Variants in PTGER3 observed in about 807,000 individuals in gnomAD.
PTGER3 encodes prostaglandin E receptor 3.
A neutral mutation model predicts 34.7 loss-of-function variants in PTGER3; 22 were observed. The ratio of observed to expected loss-of-function variants is 0.63; its 90% CI spans 0.45 to 0.91. The LOEUF is 0.91. PTGER3 is among the 40% of genes least tolerant of loss of function. The probability of loss-of-function intolerance (pLI) is 0.00; values close to 1 mark genes in which losing one functional copy is unlikely to be tolerated. For synonymous variants in PTGER3, 241 were observed against 230.1 expected (o/e 1.05, Z -0.43); for missense variants, 468 against 519.4 (o/e 0.90, Z 0.96).
chr1:70,919,953 A>C (rs567764853), intron 4 of PTGER3, among the ~76,000 whole-genome samples: 1 of 152,276 alleles, frequency 6.6e-6, no homozygotes, highest in East Asian at 1.9e-4. Context: ...CCGCTAGCCT[A>C]AGGTAAGATA....
chr1:71,030,593 T>C (rs1041654871), intron 1 of PTGER3, among the ~76,000 whole-genome samples: 1 of 152,178 alleles, frequency 6.6e-6, no homozygotes. Context: ...CACACAGAAG[T>C]AAATAAAATT....
intron 2 of PTGER3, among the ~76,000 whole-genome samples, chr1:70,983,004 C>A (rs1328631858): frequency 6.6e-6 from 1 of 151,854 alleles, no homozygotes; most frequent in Admixed American, 6.6e-5. Flanking sequence ...AGAGGCTAAA[C>A]AACTAAGTGA....
intron 2 of PTGER3, chr1:71,007,880 T>A (rs1657106594): frequency 3.0e-6 from 3 of 985,252 alleles, no homozygotes; most frequent in Non-Finnish European, 3.6e-6. Context: ...ACTTGAGAAG[T>A]GGAATCATCT....
intron 4 of PTGER3, among the ~76,000 whole-genome samples, chr1:70,882,748 G>A (rs1042982743): frequency 6.6e-6 from 1 of 152,098 alleles, no homozygotes; most frequent in Non-Finnish European, 1.5e-5. Flanking sequence ...CTTCTAGGGG[G>A]CTCTCACTCG....
At chr1:71,012,522 T>G (rs765714419) in intron 1 of PTGER3, 38 bp from the exon 2 acceptor site, 5 of 1,554,582 alleles carry the variant, frequency 3.2e-6, no homozygotes, top group Non-Finnish European at 4.4e-6. Context: ...CAAAGATTAG[T>G]AAGGTCATAT....
intron 4 of PTGER3, among the ~76,000 whole-genome samples, chr1:70,861,073 C>T (rs1025615109): frequency 1.3e-5 from 2 of 152,144 alleles, no homozygotes; most frequent in Non-Finnish European, 2.9e-5. Flanking sequence ...TAAGGCTTCA[C>T]AGAAGTGACA....
intron 4 of PTGER3, among the ~76,000 whole-genome samples, chr1:70,927,041 G>A (rs140335098): frequency 2.6e-3 from 398 of 152,374 alleles, no homozygotes; most frequent in African/African-American, 8.2e-3. Context: ...CCACTTGATC[G>A]TGGTGGATAA....
At chr1:70,949,610 G>GA (rs931918016), downstream of PTGER3, among the ~76,000 whole-genome samples, 2 of 152,176 alleles carry the variant, frequency 1.3e-5, no homozygotes, top group African/African-American at 4.8e-5. Context: ...TAACTACAAA[G>GA]AAAAAAACAT....
chr1:70,908,597 C>T (rs920395816), intron 4 of PTGER3, among the ~76,000 whole-genome samples: 1 of 152,206 alleles, frequency 6.6e-6, no homozygotes, highest in African/African-American at 2.4e-5. Context: ...GTTGGACTTT[C>T]CTCCACCATC....
chr1:70,938,915 G>A (rs948544301), intron 4 of PTGER3, among the ~76,000 whole-genome samples: 1 of 151,976 alleles, frequency 6.6e-6, no homozygotes. Flanking sequence ...ATGTCCTCAC[G>A]TTTCAAAACC....
intron 1 of PTGER3, 39 bp from the exon 2 acceptor site, chr1:71,012,523 A>G (rs752834076): frequency 1.9e-6 from 3 of 1,556,388 alleles, no homozygotes; most frequent in Non-Finnish European, 2.6e-6. Flanking sequence ...AAAGATTAGT[A>G]AGGTCATATG....
At chr1:71,014,557 TA>T (rs779374924) in intron 1 of PTGER3, among the ~76,000 whole-genome samples, 43 of 152,254 alleles carry the variant, frequency 2.8e-4, no homozygotes, top group Non-Finnish European at 5.3e-4. Context: ...TAATTAGGTT[TA>T]GATGAGGTCA....
chr1:70,945,428 G>T (rs1650135115), intron 4 of PTGER3, among the ~76,000 whole-genome samples: 1 of 152,088 alleles, frequency 6.6e-6, no homozygotes. Flanking sequence ...GTATGTCTAT[G>T]CATATGAAGT....
At chr1:70,858,946 A>G (rs188441627) in intron 4 of PTGER3, among the ~76,000 whole-genome samples, 17 of 152,364 alleles carry the variant, frequency 1.1e-4, no homozygotes, top group Admixed American at 2.0e-4. Flanking sequence ...TAATATTTGA[A>G]TAGACTTGCT....
In PTGER3 at chr1:70,990,985, A is replaced by G. The variant is rs539343132; in HGVS notation, c.1078-16597T>C. On this transcript the variant is annotated intron_variant, in intron 2 of 3. Coordinates refer to ENST00000306666, the MANE Select transcript of PTGER3 (RefSeq NM_198719.2). ...AGGTTATTTGAATTTATTGTTGAGA[A>G]CTGCCTTCTGAACGTCATTCACTTC... 4.3e-4 allele frequency among the ~76,000 whole-genome samples: 66 copies of G among 152,324 alleles called. 1 individual carries two copies. Among genetic ancestry groups the G allele is most frequent in the African/African-American group, 1.5e-3 (64 of 41,562 alleles).
rs530091512 is a variant in PTGER3, at chr1:70,985,447, A to T, written c.1078-11059T>A. ...CATGATCAACTCAGTGTACCACTGG[A>T]GGCTATATGAGTAAACAGCAAACTG... On this transcript the variant is annotated intron_variant, in intron 2 of 3. Coordinates refer to ENST00000306666, the MANE Select transcript of PTGER3 (RefSeq NM_198719.2). Among the ~76,000 whole-genome samples the T allele has an allele frequency of 9.2e-5, 14 of 152,220 alleles. 1 individual carries two copies. Among genetic ancestry groups the T allele is most frequent in the Admixed American group, 9.1e-4 (14 of 15,302 alleles).
chr1:70,958,769 G>A (rs374731980), intron 2 of PTGER3, among the ~76,000 whole-genome samples: 23 of 152,218 alleles, frequency 1.5e-4, no homozygotes, highest in African/African-American at 5.3e-4. Context: ...ATTTCATGAA[G>A]CATTTCCTCT....
intron 4 of PTGER3, among the ~76,000 whole-genome samples, chr1:70,877,189 C>A (rs1646290183): frequency 6.6e-6 from 1 of 152,010 alleles, no homozygotes; most frequent in Non-Finnish European, 1.5e-5. Flanking sequence ...TAGCTGTATT[C>A]CTAGATATTT....
intron 1 of PTGER3, among the ~76,000 whole-genome samples, chr1:71,040,155 GAA>G (rs1660187732): frequency 6.6e-6 from 1 of 150,576 alleles, no homozygotes; most frequent in African/African-American, 2.5e-5. Flanking sequence ...AAAAAAGAAA[GAA>G]AAGAGAGAGG....
Sources: allele counts gnomAD v4.1 joint callset (sites outside exome capture counted in the v4.1 genomes callset), GRCh38; gene constraint gnomAD v4.1.1; transcripts MANE v1.5; gene names NCBI Gene and HGNC (gene_info 2026-07-23, HGNC 2026-07-21).